The following ARHGAP20 variants were observed in gnomAD, a reference collection of about 807,000 sequenced individuals.
ARHGAP20 encodes the protein rho GTPase-activating protein 20.
ARHGAP20 carries 34 observed loss-of-function variants against 73.7 expected under a neutral mutation model. The ratio of observed to expected loss-of-function variants is 0.46; its 90% CI spans 0.35 to 0.61. The LOEUF is 0.61. ARHGAP20 is among the 20% of genes least tolerant of loss of function. ARHGAP20 has a pLI of 0.00. For missense variants in ARHGAP20, 1,314 were observed against 1,420.9 expected (o/e 0.92, Z 1.21); for synonymous variants, 523 against 518.2 (o/e 1.01, Z -0.13).
At chr11:110,690,297 G>T (rs1950216302) in intron 2 of ARHGAP20, among the ~76,000 whole-genome samples, 1 of 152,052 alleles carries the variant, frequency 6.6e-6, no homozygotes, top group African/African-American at 2.4e-5. Context: ...TTAAAATGTG[G>T]AACTTGCAAG....
intron 4 of ARHGAP20, among the ~76,000 whole-genome samples, chr11:110,616,811 T>A (rs999192114): frequency 5.3e-5 from 8 of 152,286 alleles, no homozygotes; most frequent in African/African-American, 1.7e-4. Flanking sequence ...TTGGATTTAT[T>A]TAGCAAAAAT....
At chr11:110,691,031 C>A (rs1950233183) in intron 1 of ARHGAP20, 1 of 1,503,986 alleles carries the variant, frequency 6.6e-7, no homozygotes, top group South Asian at 1.3e-5. Flanking sequence ...ATTTCACAGG[C>A]AAATTTGGCT....
At chr11:110,610,431 G>A (rs573081741) in intron 7 of ARHGAP20, among the ~76,000 whole-genome samples, 1 of 152,112 alleles carries the variant, frequency 6.6e-6, no homozygotes, top group Non-Finnish European at 1.5e-5. Flanking sequence ...ATTATTAATT[G>A]TATTTAGCTT....
intron 1 of ARHGAP20, chr11:110,711,862 G>C: frequency 7.6e-7 from 1 of 1,317,826 alleles, no homozygotes; most frequent in Non-Finnish European, 9.6e-7. Context: ...GCGGCGGATG[G>C]AGACGGGAGG....
intron 2 of ARHGAP20, among the ~76,000 whole-genome samples, chr11:110,678,471 A>G (rs907880009): frequency 6.6e-6 from 1 of 152,192 alleles, no homozygotes; most frequent in African/African-American, 2.4e-5. Flanking sequence ...TTTCATTTAT[A>G]AACTGGAATA....
At chr11:110,585,737 C>T (rs1482333460) in intron 12 of ARHGAP20, among the ~76,000 whole-genome samples, 1 of 152,082 alleles carries the variant, frequency 6.6e-6, no homozygotes, top group Non-Finnish European at 1.5e-5. Flanking sequence ...TTTTCAAGGA[C>T]TTAACTGTGT....
At chr11:110,701,215 GTT>G (rs1950444786) in intron 1 of ARHGAP20, among the ~76,000 whole-genome samples, 2 of 151,460 alleles carry the variant, frequency 1.3e-5, no homozygotes, top group Non-Finnish European at 2.9e-5. Flanking sequence ...GTGTAAAAGT[GTT>G]CCTATTTCTC....
chr11:110,612,289 G>A (rs953702484), intron 6 of ARHGAP20, among the ~76,000 whole-genome samples: 3 of 151,522 alleles, frequency 2.0e-5, no homozygotes, highest in Admixed American at 6.6e-5. Flanking sequence ...TTAGCTGGGC[G>A]TAGTGGTGGG....
rs186903907 is a variant in ARHGAP20, at chr11:110,704,947, G to A, written c.105+7180C>T. Among the ~76,000 whole-genome samples the A allele has an allele frequency of 6.4e-4, 97 of 152,080 alleles. 1 individual carries two copies. The Middle Eastern group carries it at 0.01, about 16-fold the overall frequency. On this transcript the variant is annotated intron_variant, in intron 1 of 14. Coordinates refer to ENST00000683387, the MANE Select transcript of ARHGAP20 (RefSeq NM_001384657.1). Reference sequence around the variant, plus strand: ...TCATAAAAATATATATTTCCTCAAAGCACTCTGCATATTATGAGTATACAA... The same window carrying A: ...TCATAAAAATATATATTTCCTCAAAACACTCTGCATATTATGAGTATACAA...
chr11:110,582,510 T>C, intron 13 of ARHGAP20, 75 bp from the exon 14 acceptor site: 1 of 1,020,456 alleles, frequency 9.8e-7, no homozygotes, highest in Non-Finnish European at 1.5e-6. Context: ...ATATAAATCC[T>C]GATTTTTAAC....
rs190930500 is a variant in ARHGAP20, at chr11:110,692,303, T to C, written c.106-1674A>G. 1.9e-3 allele frequency among the ~76,000 whole-genome samples: 295 copies of C among 152,286 alleles called. 4 individuals are homozygous for C. Among genetic ancestry groups the C allele is most frequent in the African/African-American group, 6.8e-3 (281 of 41,582 alleles). On this transcript the variant is annotated intron_variant, in intron 1 of 14. Coordinates refer to ENST00000683387, the MANE Select transcript of ARHGAP20 (RefSeq NM_001384657.1). ...TACTGAAAGATTGGATTGATTTTAC[T>C]AAGAAAAGTGGCAGTTTGTTCATAT...
At chr11:110,635,013 G>C (rs963941683) in intron 2 of ARHGAP20, among the ~76,000 whole-genome samples, 6 of 151,910 alleles carry the variant, frequency 3.9e-5, no homozygotes, top group Non-Finnish European at 8.8e-5. Context: ...CTCCATCAAC[G>C]CATATGGTGT....
intron 2 of ARHGAP20, among the ~76,000 whole-genome samples, chr11:110,660,412 GC>G (rs761682276): frequency 6.6e-6 from 1 of 152,180 alleles, no homozygotes; most frequent in African/African-American, 2.4e-5. Context: ...AACATGGTAA[GC>G]CATGTGCTGA....
intron 9 of ARHGAP20, among the ~76,000 whole-genome samples, chr11:110,598,715 G>T (rs1429617622): frequency 6.6e-6 from 1 of 152,160 alleles, no homozygotes; most frequent in African/African-American, 2.4e-5. Context: ...GGCTGTAGTG[G>T]GGAGGCATGG....
chr11:110,618,180 A>C (rs1948527888), intron 4 of ARHGAP20, among the ~76,000 whole-genome samples: 1 of 152,098 alleles, frequency 6.6e-6, no homozygotes. Flanking sequence ...GTCAACAGTG[A>C]CCACAATAGA....
intron 2 of ARHGAP20, 42 bp downstream of exon 2, chr11:110,690,505 C>T (rs189187402): frequency 6.4e-7 from 1 of 1,559,588 alleles, no homozygotes; most frequent in African/African-American, 1.4e-5. Flanking sequence ...ATATAAACTT[C>T]CAAGCACATA....
rs1410904727 is a variant in ARHGAP20 at position 110,591,961 on chromosome 11, C to A, written c.1143+16G>T. 1.9e-6 allele frequency: 3 copies of A among 1,613,068 alleles called. No individual in the cohort carries two copies. The highest frequency in any genetic ancestry group is 2.5e-6 in the Non-Finnish European group (3 of 1,179,276). The stretch of plus-strand genomic sequence containing the variant: ...ACACCCTTTCCCATCAGTTTACAGA[C>A]CAAAATGAGCCTTACCAAGACAGGT... On this transcript the variant is annotated intron_variant, in intron 10 of 14. Transcript: ENST00000683387.
intron 11 of ARHGAP20, among the ~76,000 whole-genome samples, chr11:110,588,614 T>G (rs539512103): frequency 6.6e-6 from 1 of 152,326 alleles, no homozygotes; most frequent in Admixed American, 6.5e-5. Flanking sequence ...TTCAATCATT[T>G]GGATCATTTT....
intron 2 of ARHGAP20, among the ~76,000 whole-genome samples, chr11:110,635,982 TA>T (rs1197371321): frequency 1.3e-5 from 2 of 152,136 alleles, no homozygotes. Context: ...TGCTGAGCTT[TA>T]ATTTTTTAAT....
Sources: allele counts gnomAD v4.1 joint callset (sites outside exome capture counted in the v4.1 genomes callset), GRCh38; gene constraint gnomAD v4.1.1; transcripts MANE v1.5; gene names NCBI Gene and HGNC (gene_info 2026-07-23, HGNC 2026-07-21).